Variants in C9orf50 observed in about 807,000 individuals in gnomAD.
The protein encoded by C9orf50 is uncharacterized protein C9orf50.
Under a neutral mutation model 42.5 loss-of-function variants are expected in C9orf50, and 33 were observed. That is an observed-to-expected ratio of 0.78 (90% CI 0.59 to 1.04). The LOEUF is 1.04. Among genes scored for constraint, C9orf50 ranks in the 50% least tolerant of loss-of-function variants. The pLI is 0.00. For missense variants in C9orf50, 547 were observed against 594.3 expected (o/e 0.92, Z 0.83); for synonymous variants, 257 against 273.4 (o/e 0.94, Z 0.59).
Position 129,615,392 on chromosome 9 carries a change from G to A in C9orf50, c.880+92C>T, listed in dbSNP as rs1298185251. The A allele has an allele frequency of 2.2e-6, 3 of 1,342,850 alleles. No homozygotes were observed. The African/African-American group carries it at 4.5e-5, about 20-fold the overall frequency. The allele number at this position is 1,342,850 out of a possible 1,614,324, so 83.2% of individuals were successfully genotyped here. A position where few individuals can be genotyped will look rare whatever the true frequency, so the allele number is the denominator to read the frequency against. ...TGATCTCTTGGCCTTTGCAAAGCCAGTCCCTCACTCTAGGGGCCCGGAGCT... is the reference window on the plus strand; with the variant it reads ...TGATCTCTTGGCCTTTGCAAAGCCAATCCCTCACTCTAGGGGCCCGGAGCT... On this transcript the variant is annotated intron_variant, in intron 4 of 6. Coordinates refer to ENST00000372478, the Ensembl canonical transcript of C9orf50.
Position 129,620,237 on chromosome 9 carries a change from TC to T in C9orf50, c.337del (p.Glu113AsnfsTer31). The T allele has an allele frequency of 1.5e-6, 2 of 1,340,406 alleles. No homozygotes were observed. The highest frequency in any genetic ancestry group is 2.0e-5 in the South Asian group (1 of 49,948). The allele number at this position is 1,340,406 out of a possible 1,614,324, so 83.0% of individuals were successfully genotyped here. ...AGGCCCTGGCTGCCTGGGCGCCGAT[TC>T]CCGGGACGCGCCGGCCGACAGCAGG... is the stretch of plus-strand genomic sequence containing the variant. On this transcript the variant is annotated frameshift_variant, in exon 1 of 7. Transcript: ENST00000372478. LOFTEE classifies it high-confidence loss of function. The surrounding 1 kb of genome is among the most constrained non-coding windows in gnomAD (Gnocchi z 5.8).
chr9:129,619,726 G>A lies in C9orf50; in HGVS notation c.599+14C>T, dbSNP rs376839853. On this transcript the variant is annotated intron_variant, in intron 2 of 6. Coordinates refer to ENST00000372478, the Ensembl canonical transcript of C9orf50. ...GGCAACCCCGTCCCCACCAAGAAGCGGACTGACGCTTACCACAGGTCTGGG... is the reference window on the plus strand; with the variant it reads ...GGCAACCCCGTCCCCACCAAGAAGCAGACTGACGCTTACCACAGGTCTGGG... 4.2e-5 allele frequency: 67 copies of A among 1,613,794 alleles called. No individual in the cohort carries two copies. In the African/African-American group the frequency reaches 7.1e-4, roughly 17 times the overall value.
chr9:129,613,018 G>A lies in C9orf50; in HGVS notation c.1188+89C>T. 1.3e-6 allele frequency: 2 copies of A among 1,547,224 alleles called. No homozygotes were observed. The highest frequency in any genetic ancestry group is 1.2e-5 in the South Asian group (1 of 86,830). On this transcript the variant is annotated intron_variant, in intron 6 of 6. Transcript: ENST00000372478. This position sits in a 1 kb window ranked among gnomAD's most constrained non-coding sequence, Gnocchi z 6.2. ...CAGGGAGGGTCCACTCCCAGCCCCA[G>A]CCACTCCACCAAACAGGGCTGCTCC...
chr9:129,620,523 GC>G lies in C9orf50; in HGVS notation c.51del (p.Leu18SerfsTer18). 2.8e-6 allele frequency: 4 copies of G among 1,444,890 alleles called. No homozygotes were observed. Among genetic ancestry groups the G allele is most frequent in the South Asian group, 1.4e-5 (1 of 71,952 alleles). The allele number at this position is 1,444,890 out of a possible 1,614,324, so 89.5% of individuals were successfully genotyped here. ...CGTCGGAAGTCTCCGTCGCCAGGGA[GC>G]CCCTTGGGCGCCAGGTCCTGGGCCC... On this transcript the variant is annotated frameshift_variant, in exon 1 of 7. Coordinates refer to ENST00000372478, the Ensembl canonical transcript of C9orf50. LOFTEE classifies it high-confidence loss of function. The surrounding 1 kb of genome is among the most constrained non-coding windows in gnomAD (Gnocchi z 5.8).
chr9:129,618,949 C>T (rs928300179), intron 3 of C9orf50, among the ~76,000 whole-genome samples: 29 of 150,556 alleles, frequency 1.9e-4, no homozygotes, highest in African/African-American at 6.4e-4. Context: ...CTCCTAACCT[C>T]GTGATCCGCC....
Position 129,619,735 on chromosome 9 carries a change from C to T in C9orf50, c.599+5G>A. On this transcript the variant is annotated splice_donor_5th_base_variant and intron_variant, in intron 2 of 6. Transcript: ENST00000372478. ...GTCCCCACCAAGAAGCGGACTGACG[C>T]TTACCACAGGTCTGGGAGGAATGAA... is the stretch of plus-strand genomic sequence containing the variant. 6.2e-7 allele frequency: 1 copy of T among 1,614,060 alleles called. No individual in the cohort carries two copies. The highest frequency in any genetic ancestry group is 8.5e-7 in the Non-Finnish European group (1 of 1,179,974).
chr9:129,619,864 C>G (rs1490847505), intron 1 of C9orf50, 34 bp from the exon 2 acceptor site: 2 of 1,607,170 alleles, frequency 1.2e-6, no homozygotes, highest in African/African-American at 2.7e-5. Context: ...TGAGCCTTGG[C>G]TGGGGGACGG....
chr9:129,613,718 G>C lies in C9orf50; in HGVS notation c.881-121C>G. 8.0e-7 allele frequency: 1 copy of C among 1,252,314 alleles called. No individual in the cohort carries two copies. The highest frequency in any genetic ancestry group is 1.1e-6 in the Non-Finnish European group (1 of 906,394). 77.6% of individuals were successfully genotyped at this position (1,252,314 alleles called of 1,614,324 possible). On this transcript the variant is annotated intron_variant, in intron 4 of 6. Coordinates refer to ENST00000372478, the Ensembl canonical transcript of C9orf50. The surrounding 1 kb of genome is among the most constrained non-coding windows in gnomAD (Gnocchi z 6.2). ...AGCCCTGTCTCCATGGCAACCCCAG[G>C]CTCCCCAGCGCCTTCTGGCTGCCTC... is the stretch of plus-strand genomic sequence containing the variant.
chr9:129,612,819 C>T (rs982628475), intron 6 of C9orf50, among the ~76,000 whole-genome samples: 14 of 152,056 alleles, frequency 9.2e-5, no homozygotes, highest in African/African-American at 3.4e-4. Context: ...GACAGAGCAA[C>T]ACTCTGTCTC....
At chr9:129,615,156 C>T (rs904875363) in intron 4 of C9orf50, among the ~76,000 whole-genome samples, 12 of 152,148 alleles carry the variant, frequency 7.9e-5, no homozygotes, top group African/African-American at 2.2e-4. Flanking sequence ...GTGGGGACTG[C>T]GGAGGGGAGC....
rs16931335 is a variant in C9orf50 at position 129,614,592 on chromosome 9, G to A, written c.880+892C>T. ...AACAGGGACTTCTCGCCTGCTTCTC[G>A]AGACACACTTCAGAAAATTCACTGG... On this transcript the variant is annotated intron_variant, in intron 4 of 6. Coordinates refer to ENST00000372478, the Ensembl canonical transcript of C9orf50. The surrounding 1 kb of genome is among the most constrained non-coding windows in gnomAD (Gnocchi z 4.4). Among the ~76,000 whole-genome samples, 27,960 of 152,110 alleles carry A rather than the reference G, an allele frequency of 0.18. 2,993 individuals carry two copies. The highest frequency in any genetic ancestry group is 0.29 in the East Asian group (1,525 of 5,170).
Position 129,620,641 on chromosome 9 carries a change from G to C in C9orf50, c.-67C>G. ...GGGTGGGGGGCGCCGGCTGAGGTGGGGAGGGCATAGTCCAGCCCCAGGCCA... is the reference window on the plus strand; with the variant it reads ...GGGTGGGGGGCGCCGGCTGAGGTGGCGAGGGCATAGTCCAGCCCCAGGCCA... On this transcript the variant is annotated 5_prime_UTR_variant, in exon 1 of 7. Transcript: ENST00000372478. This position sits in a 1 kb window ranked among gnomAD's most constrained non-coding sequence, Gnocchi z 5.8. 5.6e-6 allele frequency: 7 copies of C among 1,256,636 alleles called. No individual in the cohort carries two copies. The highest frequency in any genetic ancestry group is 6.0e-6 in the Non-Finnish European group (6 of 996,960). 77.8% of individuals were successfully genotyped at this position (1,256,636 alleles called of 1,614,324 possible). A position where few individuals can be genotyped will look rare whatever the true frequency, so the allele number is the denominator to read the frequency against.
At chr9:129,617,884 A>G (rs955216317) in intron 3 of C9orf50, among the ~76,000 whole-genome samples, 1 of 152,080 alleles carries the variant, frequency 6.6e-6, no homozygotes, top group Non-Finnish European at 1.5e-5. Context: ...GGGTTTCACC[A>G]TGTTACCAAG....
chr9:129,618,008 C>A (rs1830479362), intron 3 of C9orf50, among the ~76,000 whole-genome samples: 1 of 152,102 alleles, frequency 6.6e-6, no homozygotes, highest in African/African-American at 2.4e-5. Context: ...TAGTTCCTAC[C>A]CTGATCCATC....
Position 129,620,684 on chromosome 9 carries a change from C to CACT in C9orf50, c.-111_-110insAGT. The CACT allele has an allele frequency of 1.9e-6, 2 of 1,050,706 alleles. No individual in the cohort carries two copies. Among genetic ancestry groups the CACT allele is most frequent in the Non-Finnish European group, 2.4e-6 (2 of 822,984 alleles). 65.1% of individuals were successfully genotyped at this position (1,050,706 alleles called of 1,614,324 possible). Reference sequence around the variant, plus strand: ...CCAGGCCATAGTGCCCCGGGCGGGGCAGCGCGGTGCGGGGTGAACGCCACC... The same window carrying CACT: ...CCAGGCCATAGTGCCCCGGGCGGGGCACTAGCGCGGTGCGGGGTGAACGCCACC... On this transcript the variant is annotated 5_prime_UTR_variant, in exon 1 of 7. Coordinates refer to ENST00000372478, the Ensembl canonical transcript of C9orf50. The surrounding 1 kb of genome is among the most constrained non-coding windows in gnomAD (Gnocchi z 5.8).
Position 129,613,208 on chromosome 9 carries a change from T to G in C9orf50, c.1087A>C (p.Met363Leu), listed in dbSNP as rs764160153. The change falls in exon 6 of 7, where the codon ATG becomes CTG. Residue 363 changes from methionine to leucine, a missense_variant. This residue lies in a region of C9orf50 where 334 missense variants were observed against 323.7 expected (regional missense o/e 1.03). Transcript: ENST00000372478. This position sits in a 1 kb window ranked among gnomAD's most constrained non-coding sequence, Gnocchi z 6.2. ...GAACAGAAGGGCAGGCTGCTGTTCA[T>G]GGAGGTGTCCTCAGAAAGGTAGCCC... 100 of 1,613,286 alleles carry G rather than the reference T, an allele frequency of 6.2e-5. No individual in the cohort carries two copies. Among genetic ancestry groups the G allele is most frequent in the Non-Finnish European group, 8.3e-5 (98 of 1,179,902 alleles).
exon 7 of C9orf50, chr9:129,612,430 G>A (rs1830138373): frequency 3.1e-6 from 5 of 1,613,714 alleles, no homozygotes; most frequent in Non-Finnish European, 4.2e-6. Context: ...ACCGACTGCA[G>A]CACCCGGTTG....
Position 129,620,220 on chromosome 9 carries a change from GCTGC to G in C9orf50, c.351_354del (p.Arg117SerfsTer26). 7.3e-7 allele frequency: 1 copy of G among 1,362,042 alleles called. No homozygotes were observed. The highest frequency in any genetic ancestry group is 1.9e-5 in the South Asian group (1 of 53,886). 84.4% of individuals were successfully genotyped at this position (1,362,042 alleles called of 1,614,324 possible). On this transcript the variant is annotated frameshift_variant, in exon 1 of 7. Transcript: ENST00000372478. LOFTEE classifies it high-confidence loss of function. This position sits in a 1 kb window ranked among gnomAD's most constrained non-coding sequence, Gnocchi z 5.8. ...GGGCGCTCGCGCTCTCCAGGCCCTG[GCTGC>G]CTGGGCGCCGATTCCCGGGACGCGC... is the stretch of plus-strand genomic sequence containing the variant.
At chr9:129,621,440 T>C (rs1830707634), upstream of C9orf50, among the ~76,000 whole-genome samples, 1 of 152,234 alleles carries the variant, frequency 6.6e-6, no homozygotes, top group Non-Finnish European at 1.5e-5. Context: ...CACTGCAGCC[T>C]CAAATTCTTG....
Sources: gnomAD v4.1 joint callset for allele counts (sites outside exome capture counted in the v4.1 genomes callset) on GRCh38, gnomAD v4.1.1 for gene constraint, gnomAD v4.1.1 regional missense constraint, Gnocchi (gnomAD v3.1) non-coding constraint, MANE v1.5 for transcripts, NCBI Gene and HGNC (gene_info 2026-07-23, HGNC 2026-07-21) for gene names.